DST: variants seen among roughly 807,000 people sequenced by gnomAD.
DST encodes the protein bullous pemphigoid antigen.
DST carries 253 observed loss-of-function variants against 875.2 expected under a neutral mutation model. The observed-to-expected ratio is 0.29, with a 90% CI of 0.26 to 0.32. The LOEUF is 0.32. Ranked by LOEUF, DST falls within the 10% of genes least tolerant of loss-of-function variation. The probability of loss-of-function intolerance (pLI) is 1.00; values close to 1 mark genes in which losing one functional copy is unlikely to be tolerated. For missense variants in DST, 8,287 were observed against 9,111.6 expected (o/e 0.91, Z 3.68); for synonymous variants, 3,124 against 3,197.1 (o/e 0.98, Z 0.77).
At chr6:56,719,486 G>A (rs1189188435) in intron 5 of DST, among the ~76,000 whole-genome samples, 2 of 152,158 alleles carry the variant, frequency 1.3e-5, no homozygotes, top group Non-Finnish European at 2.9e-5. Flanking sequence ...AGTGATAAAG[G>A]AAACATTTCC....
Position 56,642,802 on chromosome 6 carries a change from A to G in DST, c.1779-299T>C, listed in dbSNP as rs1048289639. 4 of 1,613,726 alleles carry G rather than the reference A, an allele frequency of 2.5e-6. No homozygotes were observed. The East Asian group carries it at 8.9e-5, about 36-fold the overall frequency. ...ACTACTGTGCATTTTTATTCCTGAAACGATGTTCTTTCTTTCACCTTTCAA... is the reference window on the plus strand; with the variant it reads ...ACTACTGTGCATTTTTATTCCTGAAGCGATGTTCTTTCTTTCACCTTTCAA... On this transcript the variant is annotated intron_variant, in intron 15 of 103. Coordinates refer to ENST00000680361, the MANE Select transcript of DST (RefSeq NM_001374736.1).
chr6:56,618,976 C>G, intron 36 of DST: 1 of 1,614,150 alleles, frequency 6.2e-7, no homozygotes, highest in Non-Finnish European at 8.5e-7. Flanking sequence ...CATTCAGTTC[C>G]GCATTCAGAT....
intron 4 of DST, among the ~76,000 whole-genome samples, chr6:56,747,877 C>CAT (rs1563987717): frequency 6.6e-6 from 1 of 152,016 alleles, no homozygotes; most frequent in Non-Finnish European, 1.5e-5. Context: ...ATAATCACTA[C>CAT]ATATATGTAA....
At chr6:56,690,263 T>A (rs1353708745) in intron 9 of DST, among the ~76,000 whole-genome samples, 1 of 152,148 alleles carries the variant, frequency 6.6e-6, no homozygotes, top group Non-Finnish European at 1.5e-5. Flanking sequence ...TTTCATAGAG[T>A]TGTTTGGATG....
At chr6:56,645,396 G>C (rs1268039998) in intron 15 of DST, among the ~76,000 whole-genome samples, 1 of 152,178 alleles carries the variant, frequency 6.6e-6, no homozygotes, top group African/African-American at 2.4e-5. Flanking sequence ...GGCAGAAAGG[G>C]AACCTGAACT....
At position 56,636,656 on chromosome 6, in the gene DST, AAAGAT is replaced by A; in HGVS notation, c.2965-9_2965-5del. 1 of 1,611,872 alleles carries A rather than the reference AAAGAT, an allele frequency of 6.2e-7. No homozygotes were observed. The highest frequency in any genetic ancestry group is 8.5e-7 in the Non-Finnish European group (1 of 1,178,732). On this transcript the variant is annotated splice_region_variant and splice_polypyrimidine_tract_variant and intron_variant, in intron 22 of 103. Coordinates refer to ENST00000680361, the MANE Select transcript of DST (RefSeq NM_001374736.1). ...TCTGCATTGCCGCTCTGTAGGCCTT[AAAGAT>A]AAAACAGAGCCATCATAACTGACTG...
At chr6:56,764,097 G>GCACACACACACACACA (rs57134689) in intron 4 of DST, among the ~76,000 whole-genome samples, 5 of 142,020 alleles carry the variant, frequency 3.5e-5, no homozygotes, top group African/African-American at 1.3e-4. Flanking sequence ...AAGTGCACAT[G>GCACACACACACACACA]CACACACACA....
chr6:56,648,525 T>C lies in DST; in HGVS notation c.1554+45A>G, dbSNP rs768928378. Reference sequence around the variant, plus strand: ...GAATTATTATAGCATTACTTAAGGGTTTACAATTGAATCAATCCTATGTAA... The same window carrying C: ...GAATTATTATAGCATTACTTAAGGGCTTACAATTGAATCAATCCTATGTAA... On this transcript the variant is annotated intron_variant, in intron 13 of 103. Transcript: ENST00000680361. 84 of 1,511,574 alleles carry C rather than the reference T, an allele frequency of 5.6e-5. 1 individual carries two copies. Among genetic ancestry groups the C allele is most frequent in the Admixed American group, 4.5e-4 (21 of 46,748 alleles). 93.6% of individuals were successfully genotyped at this position (1,511,574 alleles called of 1,614,324 possible). A position where few individuals can be genotyped will look rare whatever the true frequency, so the allele number is the denominator to read the frequency against.
intron 4 of DST, among the ~76,000 whole-genome samples, chr6:56,827,877 A>G (rs1297364206): frequency 1.3e-5 from 2 of 152,180 alleles, no homozygotes; most frequent in African/African-American, 4.8e-5. Flanking sequence ...AAACTCTCAG[A>G]AACAGCAGGA....
At chr6:56,808,352 G>T (rs976574834) in intron 4 of DST, among the ~76,000 whole-genome samples, 3 of 151,718 alleles carry the variant, frequency 2.0e-5, no homozygotes, top group African/African-American at 7.3e-5. Context: ...AAATACTCCA[G>T]CAATAAAGTT....
intron 49 of DST, among the ~76,000 whole-genome samples, chr6:56,591,585 T>C (rs545273942): frequency 6.6e-6 from 1 of 152,078 alleles, no homozygotes; most frequent in South Asian, 2.1e-4. Flanking sequence ...TAAGTAAGTA[T>C]AAAGATAAAT....
chr6:56,790,553 G>GA (rs1206636739), intron 4 of DST, among the ~76,000 whole-genome samples: 4 of 152,202 alleles, frequency 2.6e-5, no homozygotes, highest in African/African-American at 9.7e-5. Flanking sequence ...AGCCCAGGGA[G>GA]AAAACACACC....
intron 4 of DST, among the ~76,000 whole-genome samples, chr6:56,849,477 A>AC (rs1340327198): frequency 6.6e-6 from 1 of 152,090 alleles, no homozygotes; most frequent in African/African-American, 2.4e-5. Flanking sequence ...CCAGTGCATC[A>AC]CCTGCCACCA....
chr6:56,710,055 G>A (rs990167621), intron 5 of DST, among the ~76,000 whole-genome samples: 3 of 152,118 alleles, frequency 2.0e-5, no homozygotes, highest in South Asian at 2.1e-4. Flanking sequence ...AGAAAACTAC[G>A]AATTTTAAAC....
intron 5 of DST, among the ~76,000 whole-genome samples, chr6:56,727,325 C>T (rs780082144): frequency 6.6e-6 from 1 of 152,132 alleles, no homozygotes; most frequent in African/African-American, 2.4e-5. Context: ...GTGCCCGGAC[C>T]ACGTTGGGCA....
chr6:56,605,128 T>C lies in DST; in HGVS notation c.9500A>G (p.Glu3167Gly), dbSNP rs764565865. The C allele has an allele frequency of 2.5e-6, 4 of 1,612,590 alleles. No individual in the cohort carries two copies. Among genetic ancestry groups the C allele is most frequent in the Middle Eastern group, 1.7e-4 (1 of 6,052 alleles). The change falls in exon 40 of 104, where the codon GAG becomes GGG. Residue 3167 changes from glutamate to glycine, a missense_variant. Physicochemically the swap from Glu to Gly is moderately conservative, Grantham distance 98 (BLOSUM62 -2). Around this residue, in one of 10 missense-constraint regions of DST, gnomAD observed 3,138 missense variants for 3,116.6 expected, o/e 1.01. Coordinates refer to ENST00000680361, the MANE Select transcript of DST (RefSeq NM_001374736.1). ...CTCAGGTCCATCAGTGAATGACTCC[T>C]CAAAATGTGTATTCCCTTCCCACGA... Reference protein sequence around the residue: ...ITSWEGNTHFEESFTDGPEKE... With the variant: ...ITSWEGNTHFGESFTDGPEKE...
intron 53 of DST, 42 bp downstream of exon 53, chr6:56,572,058 A>T: frequency 8.5e-7 from 1 of 1,181,542 alleles, no homozygotes; most frequent in Non-Finnish European, 1.1e-6. Context: ...CACTCTAATT[A>T]ATATAAATAG....
chr6:56,515,859 C>T (rs2096576043), intron 71 of DST, among the ~76,000 whole-genome samples, 191 bp from the exon 72 acceptor site: 1 of 151,890 alleles, frequency 6.6e-6, no homozygotes, highest in South Asian at 2.1e-4. Flanking sequence ...AATTAAAGTG[C>T]CTCAAGTTTT....
rs2096827550 is a variant in DST, at chr6:56,527,731, T to C, written c.17684A>G (p.Asp5895Gly). ...TTTATCTTGAATTATTAAAACTTCA[T>C]CACCTAAAATTTCAAAGTCACGTTA... is the stretch of plus-strand genomic sequence containing the variant. Reference protein sequence around the residue: ...GLELLKQTTGDEVLIIQDKLE... With the variant: ...GLELLKQTTGGEVLIIQDKLE... The change falls in exon 68 of 104, where the codon GAT (aspartate) becomes GGT (glycine). Residue 5895 changes from aspartate (D) to glycine (G), a missense_variant. Coordinates refer to ENST00000680361, the MANE Select transcript of DST (RefSeq NM_001374736.1). The C allele has an allele frequency of 6.3e-7, 1 of 1,592,048 alleles. No individual in the cohort carries two copies. The highest frequency in any genetic ancestry group is 1.2e-5 in the South Asian group (1 of 86,890).
Sources: gnomAD v4.1 joint callset for allele counts (sites outside exome capture counted in the v4.1 genomes callset) on GRCh38, gnomAD v4.1.1 for gene constraint, gnomAD v4.1.1 regional missense constraint, MANE v1.5 for transcripts, NCBI Gene and HGNC (gene_info 2026-07-23, HGNC 2026-07-21) for gene names.